Variants in PCDH15 observed in about 807,000 individuals in gnomAD.
The protein encoded by PCDH15 is protocadherin-15.
Under a neutral mutation model 178.5 loss-of-function variants are expected in PCDH15, and 129 were observed. The ratio of observed to expected loss-of-function variants is 0.72; its 90% CI spans 0.63 to 0.84. The LOEUF (loss-of-function observed/expected upper bound fraction) is 0.84, where lower values mean the gene tolerates loss of function less well. Ranked by LOEUF, PCDH15 falls within the 40% of genes least tolerant of loss-of-function variation. The pLI, the probability that PCDH15 is intolerant of heterozygous loss-of-function variation, is 0.00. For missense variants in PCDH15, 2,230 were observed against 2,099.9 expected (o/e 1.06, Z -1.21); for synonymous variants, 800 against 732.0 (o/e 1.09, Z -1.50).
At chr10:55,542,122 G>T (rs1285067996) in intron 2 of PCDH15, among the ~76,000 whole-genome samples, 1 of 150,398 alleles carries the variant, frequency 6.6e-6, no homozygotes. Flanking sequence ...TAACCACAAA[G>T]AAATCAGTAT....
rs1475584431 is a variant in PCDH15 at position 53,827,540 on chromosome 10, G to C, written c.4220C>G (p.Ala1407Gly). 1 of 1,614,120 alleles carries C rather than the reference G, an allele frequency of 6.2e-7. No individual in the cohort carries two copies. Among genetic ancestry groups the C allele is most frequent in the East Asian group, 2.2e-5 (1 of 44,870 alleles). Residue 1407 changes from alanine to glycine, a missense_variant, in exon 32 of 38, where the codon GCT (alanine) becomes GGT (glycine). Transcript: ENST00000644397. Reference protein sequence around the residue: ...VSYRQFKVRQAECTKTARIQA... With the variant: ...VSYRQFKVRQGECTKTARIQA... Reference sequence around the variant, plus strand: ...AATTCGTGCAGTCTTTGTACACTCAGCTTGACGTCTTGGATAAAGTAAGGA... The same window carrying C: ...AATTCGTGCAGTCTTTGTACACTCACCTTGACGTCTTGGATAAAGTAAGGA...
At chr10:54,893,829 T>C (rs1236860777) in intron 3 of PCDH15, among the ~76,000 whole-genome samples, 1 of 152,110 alleles carries the variant, frequency 6.6e-6, no homozygotes, top group Non-Finnish European at 1.5e-5. Flanking sequence ...TTAAAGCTTG[T>C]TCTTCACAGG....
chr10:55,082,985 CCAGTCCTACT>C (rs1305635595), intron 2 of PCDH15, among the ~76,000 whole-genome samples: 8 of 151,910 alleles, frequency 5.3e-5, no homozygotes, highest in Non-Finnish European at 1.2e-4. Flanking sequence ...AGACCTAATA[CCAGTCCTACT>C]CAAACTATTC....
intron 10 of PCDH15, among the ~76,000 whole-genome samples, chr10:54,204,504 G>C (rs1052546692): frequency 6.6e-6 from 1 of 152,036 alleles, no homozygotes; most frequent in African/African-American, 2.4e-5. Flanking sequence ...ACAAAAATCT[G>C]GTTGTTAGTT....
intron 2 of PCDH15, among the ~76,000 whole-genome samples, chr10:55,577,730 T>G (rs2132116369): frequency 6.6e-6 from 1 of 152,296 alleles, no homozygotes; most frequent in East Asian, 1.9e-4. Flanking sequence ...AGTCTAATGT[T>G]AAATTCACCT....
chr10:54,665,333 T>A (rs1322419603), intron 1 of PCDH15, among the ~76,000 whole-genome samples: 3 of 152,024 alleles, frequency 2.0e-5, no homozygotes, highest in African/African-American at 4.8e-5. Flanking sequence ...CAAATTTTCA[T>A]GTGATTTCCA....
At chr10:55,496,047 G>C (rs1840526339) in intron 2 of PCDH15, among the ~76,000 whole-genome samples, 2 of 151,866 alleles carry the variant, frequency 1.3e-5, no homozygotes, top group Non-Finnish European at 2.9e-5. Flanking sequence ...TGAAGTGGCT[G>C]CAAATGGGCT....
chr10:54,261,661 C>A (rs2057327149), intron 8 of PCDH15, among the ~76,000 whole-genome samples: 1 of 79,534 alleles, frequency 1.3e-5, no homozygotes, highest in African/African-American at 4.4e-5. Context: ...CTATTCTTAA[C>A]ACACATATGC....
intron 14 of PCDH15, among the ~76,000 whole-genome samples, chr10:54,141,407 A>G (rs1564518685): frequency 6.6e-6 from 1 of 152,170 alleles, no homozygotes; most frequent in Non-Finnish European, 1.5e-5. Context: ...CACAAATAGT[A>G]CATTATATAT....
intron 1 of PCDH15, among the ~76,000 whole-genome samples, chr10:55,170,129 T>A (rs1310810597): frequency 1.3e-5 from 2 of 151,948 alleles, no homozygotes; most frequent in Non-Finnish European, 2.9e-5. Flanking sequence ...TTTATTGTTG[T>A]TGATGTGGGT....
At chr10:53,833,969 G>A (rs2077157993) in intron 29 of PCDH15, among the ~76,000 whole-genome samples, 1 of 152,086 alleles carries the variant, frequency 6.6e-6, no homozygotes, top group African/African-American at 2.4e-5. Flanking sequence ...ATTAGGCACA[G>A]TAAGATATTA....
At chr10:54,212,450 T>C (rs990541921) in intron 10 of PCDH15, among the ~76,000 whole-genome samples, 1 of 152,116 alleles carries the variant, frequency 6.6e-6, no homozygotes, top group African/African-American at 2.4e-5. Context: ...GTGCATTATG[T>C]CTCCAAGCGT....
chr10:54,191,719 A>T (rs193106780), intron 11 of PCDH15, among the ~76,000 whole-genome samples: 320 of 150,066 alleles, frequency 2.1e-3, no homozygotes, highest in African/African-American at 7.3e-3. Context: ...CAACCTGGCC[A>T]ACATGGTGAA....
intron 2 of PCDH15, among the ~76,000 whole-genome samples, chr10:55,588,953 T>C (rs1229166863): frequency 3.3e-5 from 5 of 151,746 alleles, no homozygotes; most frequent in Admixed American, 1.3e-4. Context: ...TGGTGCCACA[T>C]GCCTGTAATC....
Position 53,840,439 on chromosome 10 carries a change from GGA to G in PCDH15, c.3862_3863del (p.Ser1288HisfsTer19). 6.2e-7 allele frequency: 1 copy of G among 1,614,072 alleles called. No individual in the cohort carries two copies. Among genetic ancestry groups the G allele is most frequent in the Non-Finnish European group, 8.5e-7 (1 of 1,179,950 alleles). ...QIPGAKVVVE[S>X]IGARRHGDAF... ...CATCTCCATGCCGGCGAGCTCCAAT[GGA>G]CTCCACTACGACCTTGGCACCAGGA... On this transcript the variant is annotated frameshift_variant, in exon 29 of 38. Transcript: ENST00000644397. LOFTEE classifies it high-confidence loss of function.
At chr10:54,572,356 G>C (rs2133600399) in intron 2 of PCDH15, among the ~76,000 whole-genome samples, 1 of 152,086 alleles carries the variant, frequency 6.6e-6, no homozygotes, top group African/African-American at 2.4e-5. Context: ...AACGCTAGGA[G>C]AATCACAAAG....
At chr10:54,143,438 G>A (rs932432453) in intron 14 of PCDH15, among the ~76,000 whole-genome samples, 16 of 152,090 alleles carry the variant, frequency 1.1e-4, no homozygotes, top group Non-Finnish European at 2.1e-4. Flanking sequence ...ATCAGCTACA[G>A]TCTAGGGATT....
chr10:54,851,981 A>G (rs920110048), intron 3 of PCDH15, among the ~76,000 whole-genome samples: 2 of 152,178 alleles, frequency 1.3e-5, no homozygotes, highest in Non-Finnish European at 2.9e-5. Context: ...CTATTCTTAT[A>G]CTGAGCTAAT....
At chr10:54,386,195 G>A (rs1251388097) in intron 3 of PCDH15, among the ~76,000 whole-genome samples, 4 of 150,244 alleles carry the variant, frequency 2.7e-5, no homozygotes, top group African/African-American at 4.9e-5. Context: ...AGGCCACAGT[G>A]AAAGAAGAAT....
Sources: allele counts gnomAD v4.1 joint callset (sites outside exome capture counted in the v4.1 genomes callset), GRCh38; gene constraint gnomAD v4.1.1; transcripts MANE v1.5; gene names NCBI Gene and HGNC (gene_info 2026-07-23, HGNC 2026-07-21).